Variants in NCKAP5 observed in about 807,000 individuals in gnomAD.
NCKAP5 encodes nck-associated protein 5.
Under a neutral mutation model 167.0 loss-of-function variants are expected in NCKAP5, and 92 were observed. The observed-to-expected ratio is 0.55, with a 90% confidence interval of 0.47 to 0.66. The LOEUF is 0.66. Ranked by LOEUF, NCKAP5 falls within the 30% of genes least tolerant of loss-of-function variation. NCKAP5 has a pLI of 0.00. For synonymous variants in NCKAP5, 891 were observed against 877.4 expected, an observed-to-expected ratio of 1.02 and a Z score of -0.27; for missense variants, 2,378 against 2,315.0, an observed-to-expected ratio of 1.03 and a Z score of -0.56.
chr2:132,789,915 C>T, intron 13 of NCKAP5, 108 bp downstream of exon 13: 7 of 1,030,558 alleles, frequency 6.8e-6, no homozygotes, highest in Non-Finnish European at 9.8e-6. Context: ...AGGTGCTCAG[C>T]AAATGGTGGC....
chr2:132,844,776 G>A (rs775250387), intron 11 of NCKAP5, among the ~76,000 whole-genome samples: 5 of 152,164 alleles, frequency 3.3e-5, no homozygotes, highest in African/African-American at 9.6e-5. Context: ...CATGAATGAC[G>A]GTTTCTATAA....
At chr2:132,695,260 GGAA>G (rs1222774680) in intron 19 of NCKAP5, among the ~76,000 whole-genome samples, 2 of 151,878 alleles carry the variant, frequency 1.3e-5, no homozygotes, top group South Asian at 2.1e-4. Context: ...TTATTGTGAA[GGAA>G]GAAGTCTTTT....
At chr2:132,717,480 T>A (rs149624262) in intron 19 of NCKAP5, among the ~76,000 whole-genome samples, 1 of 152,360 alleles carries the variant, frequency 6.6e-6, no homozygotes, top group East Asian at 1.9e-4. Context: ...GAATTTTCTA[T>A]AATATAGCAA....
intron 3 of NCKAP5, among the ~76,000 whole-genome samples, chr2:133,357,288 GACACACAC>G (rs10635907): frequency 7.9e-4 from 111 of 140,270 alleles, no homozygotes; most frequent in African/African-American, 2.5e-3. Flanking sequence ...CACATACACA[GACACACAC>G]ACACACACAC....
intron 11 of NCKAP5, among the ~76,000 whole-genome samples, chr2:132,841,522 C>T (rs980399339): frequency 2.0e-5 from 3 of 152,128 alleles, no homozygotes; most frequent in Middle Eastern, 3.4e-3. Flanking sequence ...TTCATTTTCA[C>T]GTCTTATTAC....
At position 132,784,115 on chromosome 2, in the gene NCKAP5, G is replaced by A; in HGVS notation, c.2696C>T (p.Pro899Leu). 1 of 1,521,722 alleles carries A rather than the reference G, an allele frequency of 6.6e-7. No individual in the cohort carries two copies. The allele number at this position is 1,521,722 out of a possible 1,614,324, so 94.3% of individuals were successfully genotyped here. A position where few individuals can be genotyped will look rare whatever the true frequency, so the allele number is the denominator to read the frequency against. The part of the protein sequence containing the change: ...KSQTPGSRSR[P>L]AIESSDSGEP... ...TCCACTGTCACTAGACTCAATGGCA[G>A]GCCTTGACCGTGACCCTGGAGTCTG... is the stretch of plus-strand genomic sequence containing the variant. Residue 899 changes from proline to leucine, a missense_variant, in exon 14 of 20, where the codon CCT (proline) becomes CTT (leucine). Transcript: ENST00000409261.
At chr2:133,355,113 G>A (rs1379720286) in intron 3 of NCKAP5, among the ~76,000 whole-genome samples, 2 of 152,122 alleles carry the variant, frequency 1.3e-5, no homozygotes, top group African/African-American at 4.8e-5. Context: ...TTATCCAAAT[G>A]AAATCGTAAT....
intron 6 of NCKAP5, among the ~76,000 whole-genome samples, chr2:133,030,223 T>C (rs545811169): frequency 1.3e-5 from 2 of 152,212 alleles, no homozygotes; most frequent in South Asian, 4.2e-4. Context: ...GGAATGACCT[T>C]GGGGGTCACA....
chr2:133,046,664 CCACTGCACTTGGCCCAGATGAAGTTT>C (rs2079411747), intron 6 of NCKAP5, among the ~76,000 whole-genome samples: 1 of 152,086 alleles, frequency 6.6e-6, no homozygotes, highest in African/African-American at 2.4e-5. Flanking sequence ...CATGCATGAG[CCACTGCACTTGGCCCAGATGAAGTTT>C]CATATTTCAC....
At chr2:133,242,396 AC>A in intron 4 of NCKAP5, among the ~76,000 whole-genome samples, 1 of 151,834 alleles carries the variant, frequency 6.6e-6, no homozygotes, top group Non-Finnish European at 1.5e-5. Context: ...TGGAGGTGAT[AC>A]CCAAATATAA....
intron 3 of NCKAP5, among the ~76,000 whole-genome samples, chr2:133,490,737 T>C (rs1006229325): frequency 2.0e-5 from 3 of 152,202 alleles, no homozygotes; most frequent in East Asian, 1.9e-4. Context: ...ATTTTCATAG[T>C]GCTGGACAGA....
At chr2:133,139,943 A>C (rs1307576965) in intron 5 of NCKAP5, among the ~76,000 whole-genome samples, 1 of 152,076 alleles carries the variant, frequency 6.6e-6, no homozygotes, top group Non-Finnish European at 1.5e-5. Context: ...CCTAATTCAG[A>C]CTCTCTTTCC....
intron 15 of NCKAP5, 67 bp from the exon 16 acceptor site, chr2:132,773,961 A>G (rs918839952): frequency 7.6e-7 from 1 of 1,322,424 alleles, no homozygotes; most frequent in Admixed American, 1.8e-5. Context: ...TGCAATCCTC[A>G]GAGTAATGGT....
chr2:132,818,597 A>G (rs1381351486), intron 11 of NCKAP5, among the ~76,000 whole-genome samples: 1 of 152,184 alleles, frequency 6.6e-6, no homozygotes, highest in East Asian at 1.9e-4. Context: ...GTGAGGTGGG[A>G]GGATCACTTG....
At chr2:133,591,698 ATTG>A in the NCKAP5 span, among the ~76,000 whole-genome samples, 1 of 152,238 alleles carries the variant, frequency 6.6e-6, no homozygotes, top group East Asian at 1.9e-4. Context: ...TGTGCAGAGA[ATTG>A]TTGTATGTAT....
chr2:133,123,047 A>T (rs912138973), intron 6 of NCKAP5: 1 of 152,204 alleles, frequency 6.6e-6, no homozygotes, highest in East Asian at 1.9e-4. Context: ...TAAATAAGAT[A>T]GTGCTCTTTG....
intron 11 of NCKAP5, among the ~76,000 whole-genome samples, chr2:132,844,174 T>A (rs193253777): frequency 6.6e-6 from 1 of 152,284 alleles, no homozygotes; most frequent in Admixed American, 6.5e-5. Flanking sequence ...AAAGAGCCTA[T>A]CATTATAAAG....
rs1325631494 is a variant in NCKAP5 at position 133,402,634 on chromosome 2, C to T, written c.70-99524G>A. Among the ~76,000 whole-genome samples the T allele has an allele frequency of 2.6e-5, 4 of 152,044 alleles. No homozygotes were observed. The East Asian group carries it at 7.7e-4, about 29-fold the overall frequency. On this transcript the variant is annotated intron_variant, in intron 3 of 19. Transcript: ENST00000409261. Reference sequence around the variant, plus strand: ...TCACGATAATGAGTGAGTTCTCATTCTGAGTTCATATGGGATCCGGTTGTT... The same window carrying T: ...TCACGATAATGAGTGAGTTCTCATTTTGAGTTCATATGGGATCCGGTTGTT...
intron 2 of NCKAP5, 139 bp from the exon 3 acceptor site, chr2:133,517,726 A>G (rs1416531580): frequency 5.3e-6 from 2 of 374,092 alleles, no homozygotes; most frequent in Admixed American, 9.1e-5. Flanking sequence ...GGCTCTCTCT[A>G]CTCAAAAGAC....
Sources: gnomAD v4.1 joint callset for allele counts (sites outside exome capture counted in the v4.1 genomes callset) on GRCh38, gnomAD v4.1.1 for gene constraint, MANE v1.5 for transcripts, NCBI Gene and HGNC (gene_info 2026-07-23, HGNC 2026-07-21) for gene names.